ODAD2: variants seen among roughly 807,000 people sequenced by gnomAD.
ODAD2 encodes the protein outer dynein arm docking complex subunit 2.
In ODAD2, 89 loss-of-function variants were observed where a neutral mutation model predicts 106.8. The observed-to-expected ratio is 0.83, with a 90% CI of 0.70 to 0.99. ODAD2 has a LOEUF of 0.99. Among genes scored for constraint, ODAD2 ranks in the 50% least tolerant of loss-of-function variants. The pLI is 0.00. For synonymous variants in ODAD2, 404 were observed against 436.2 expected, an observed-to-expected ratio of 0.93 and a Z score of 0.92; for missense variants, 1,168 against 1,238.5, an observed-to-expected ratio of 0.94 and a Z score of 0.85.
chr10:27,837,966 C>T (rs1838025679), intron 19 of ODAD2, among the ~76,000 whole-genome samples: 1 of 151,894 alleles, frequency 6.6e-6, no homozygotes, highest in African/African-American at 2.4e-5. Flanking sequence ...ACATCTTACC[C>T]CACGGCGATG....
chr10:27,899,130 T>C (rs1049106342), intron 17 of ODAD2, among the ~76,000 whole-genome samples: 3 of 151,718 alleles, frequency 2.0e-5, no homozygotes, highest in African/African-American at 7.3e-5. Flanking sequence ...CATTGGGACT[T>C]GTTAGACAGT....
intron 16 of ODAD2, among the ~76,000 whole-genome samples, chr10:27,924,908 A>G (rs1845149326): frequency 6.6e-6 from 1 of 151,538 alleles, no homozygotes; most frequent in Non-Finnish European, 1.5e-5. Flanking sequence ...GGTCCATATA[A>G]TTGCATAGGA....
chr10:27,945,389 G>A (rs747620256), intron 10 of ODAD2, among the ~76,000 whole-genome samples: 1 of 152,210 alleles, frequency 6.6e-6, no homozygotes, highest in Non-Finnish European at 1.5e-5. Flanking sequence ...CAGAGAAAAG[G>A]AAAACGTGCA....
At chr10:27,941,855 C>A (rs888872592) in intron 12 of ODAD2, among the ~76,000 whole-genome samples, 5 of 152,068 alleles carry the variant, frequency 3.3e-5, no homozygotes, top group Non-Finnish European at 7.4e-5. Flanking sequence ...CCCGTAACCA[C>A]CAATCTCAAA....
intron 16 of ODAD2, among the ~76,000 whole-genome samples, chr10:27,914,976 T>C (rs1028986965): frequency 6.6e-6 from 1 of 151,822 alleles, no homozygotes; most frequent in African/African-American, 2.4e-5. Flanking sequence ...ATATGCATGA[T>C]TGGAATACCA....
chr10:27,901,492 T>C (rs1363821337), intron 17 of ODAD2, among the ~76,000 whole-genome samples: 1 of 152,232 alleles, frequency 6.6e-6, no homozygotes, highest in Non-Finnish European at 1.5e-5. Flanking sequence ...ATGGGCTAAA[T>C]GCCCCAATTA....
At chr10:27,861,605 G>T (rs182909804) in intron 18 of ODAD2, among the ~76,000 whole-genome samples, 75 of 152,326 alleles carry the variant, frequency 4.9e-4, no homozygotes, top group African/African-American at 1.7e-3. Context: ...CACCTTGGTT[G>T]CCTTGGCTCC....
chr10:27,985,326 A>C lies in ODAD2; in HGVS notation c.383-115T>G, dbSNP rs1456957580. 3.3e-6 allele frequency: 3 copies of C among 903,240 alleles called. No homozygotes were observed. The African/African-American group carries it at 5.1e-5, about 15-fold the overall frequency. The allele number at this position is 903,240 out of a possible 1,614,324, so 56.0% of individuals were successfully genotyped here. ...CCATTCAGACGTGTTTCTTTCATTAAGCTTTTTCTAAACGACCCAATTAGA... is the reference window on the plus strand; with the variant it reads ...CCATTCAGACGTGTTTCTTTCATTACGCTTTTTCTAAACGACCCAATTAGA... On this transcript the variant is annotated intron_variant, in intron 3 of 19. Transcript: ENST00000305242.
chr10:27,866,509 G>C (rs1049077931), intron 17 of ODAD2, among the ~76,000 whole-genome samples: 6 of 152,076 alleles, frequency 3.9e-5, no homozygotes, highest in Non-Finnish European at 7.4e-5. Flanking sequence ...GTCCAATTGT[G>C]TTACTATGAA....
intron 17 of ODAD2, among the ~76,000 whole-genome samples, chr10:27,890,055 A>G (rs1413604431): frequency 1.3e-5 from 2 of 152,214 alleles, no homozygotes; most frequent in Admixed American, 1.3e-4. Context: ...ACAAATAAAA[A>G]ATGCATAATC....
chr10:27,907,194 T>C (rs763411079), intron 17 of ODAD2, among the ~76,000 whole-genome samples: 1 of 152,164 alleles, frequency 6.6e-6, no homozygotes, highest in Non-Finnish European at 1.5e-5. Flanking sequence ...CTGTTTTTAG[T>C]GACAGATAAG....
chr10:27,998,775 G>C (rs1214243967), intron 1 of ODAD2, among the ~76,000 whole-genome samples: 1 of 152,106 alleles, frequency 6.6e-6, no homozygotes, highest in Non-Finnish European at 1.5e-5. Flanking sequence ...CTGCGGGGGT[G>C]AGCGTGGAGA....
At chr10:27,925,533 GT>G (rs902930738) in intron 16 of ODAD2, among the ~76,000 whole-genome samples, 2 of 152,034 alleles carry the variant, frequency 1.3e-5, no homozygotes, top group African/African-American at 4.8e-5. Flanking sequence ...AATTTTTAAA[GT>G]TTTTGTAGAG....
rs558576572 is a variant in ODAD2 at position 27,940,799 on chromosome 10, G to C, written c.1750C>G (p.Leu584Val). 2.5e-6 allele frequency: 4 copies of C among 1,613,652 alleles called. No homozygotes were observed. Among genetic ancestry groups the C allele is most frequent in the African/African-American group, 2.7e-5 (2 of 74,976 alleles). The change falls in exon 13 of 20, where the codon CTA becomes GTA. Residue 584 changes from leucine to valine, a missense_variant. Leu to Val is a conservative substitution (Grantham distance 32). Coordinates refer to ENST00000305242, the MANE Select transcript of ODAD2 (RefSeq NM_018076.5). Reference sequence around the variant, plus strand: ...GTGGAATCATGTGCACAGTCTAGTAGAGCAACCTATAATAATAGATAAATC... The same window carrying C: ...GTGGAATCATGTGCACAGTCTAGTACAGCAACCTATAATAATAGATAAATC... ...QHGGITKLVA[L>V]LDCAHDSTKP... is the part of the protein sequence containing the mutation.
At chr10:27,979,612 C>A (rs1849418860) in intron 7 of ODAD2, among the ~76,000 whole-genome samples, 1 of 151,930 alleles carries the variant, frequency 6.6e-6, no homozygotes, top group South Asian at 2.1e-4. Context: ...AAAACAATTT[C>A]ATTTACAGTA....
intron 17 of ODAD2, among the ~76,000 whole-genome samples, chr10:27,885,649 T>A (rs868311087): frequency 3.4e-5 from 2 of 58,920 alleles, no homozygotes; most frequent in Admixed American, 3.0e-4. Flanking sequence ...TTATATATAT[T>A]ATATATAATA....
chr10:27,897,366 C>T (rs1340379875), intron 17 of ODAD2, among the ~76,000 whole-genome samples: 2 of 152,300 alleles, frequency 1.3e-5, no homozygotes, highest in African/African-American at 4.8e-5. Context: ...AGGAAGGCAA[C>T]TCCATCATCT....
intron 6 of ODAD2, among the ~76,000 whole-genome samples, chr10:27,983,136 C>G (rs1215004532): frequency 6.6e-6 from 1 of 152,148 alleles, no homozygotes; most frequent in African/African-American, 2.4e-5. Context: ...ACAGTTGGTT[C>G]CAGTTTCCAG....
chr10:27,918,877 A>T (rs1399258464), intron 16 of ODAD2, among the ~76,000 whole-genome samples: 1 of 151,578 alleles, frequency 6.6e-6, no homozygotes, highest in Non-Finnish European at 1.5e-5. Context: ...ACAAAGGTAT[A>T]TTCAAAAATT....
Sources: gnomAD v4.1 joint callset for allele counts (sites outside exome capture counted in the v4.1 genomes callset) on GRCh38, gnomAD v4.1.1 for gene constraint, MANE v1.5 for transcripts, NCBI Gene and HGNC (gene_info 2026-07-23, HGNC 2026-07-21) for gene names.